The following AUTS2 variants were observed in gnomAD, a reference collection of about 807,000 sequenced individuals.
The protein encoded by AUTS2 is activator of transcription and developmental regulator AUTS2.
AUTS2 carries 17 observed loss-of-function variants against 112.4 expected under a neutral mutation model. The ratio of observed to expected loss-of-function variants is 0.15; its 90% CI spans 0.10 to 0.23. The LOEUF is 0.23. AUTS2 is among the 10% of genes least tolerant of loss of function. The probability of loss-of-function intolerance (pLI) is 1.00; values close to 1 mark genes in which losing one functional copy is unlikely to be tolerated. For missense variants in AUTS2, 1,510 were observed against 1,701.6 expected (o/e 0.89, Z 1.98); for synonymous variants, 751 against 702.7 (o/e 1.07, Z -1.09).
rs116591851 is a variant in AUTS2, at chr7:70,765,028, C to G, written c.1468+23C>G. The G allele has an allele frequency of 1.9e-5, 31 of 1,612,434 alleles. No homozygotes were observed. In the African/African-American group the frequency reaches 3.5e-4, roughly 18 times the overall value. On this transcript the variant is annotated intron_variant, in intron 8 of 18. Coordinates refer to ENST00000342771, the MANE Select transcript of AUTS2 (RefSeq NM_015570.4). ...CAGGTAGGACGGAGGGGCCTGTGCT[C>G]GTGACCCCGACCCCCACCGCCCCTC...
intron 2 of AUTS2, among the ~76,000 whole-genome samples, chr7:69,938,621 T>C (rs1021030693): frequency 6.6e-6 from 1 of 151,980 alleles, no homozygotes; most frequent in African/African-American, 2.4e-5. Context: ...ACATAGAGGG[T>C]CGGTGTTACA....
chr7:70,196,608 C>A (rs1198876641), intron 4 of AUTS2, among the ~76,000 whole-genome samples: 2 of 152,310 alleles, frequency 1.3e-5, no homozygotes, highest in East Asian at 3.9e-4. Context: ...ATGGCAGCAT[C>A]TATAGGGACA....
At chr7:70,782,207 A>C (rs1239631886) in intron 15 of AUTS2, 1 of 155,264 alleles carries the variant, frequency 6.4e-6, no homozygotes. Context: ...CCTGAGGATA[A>C]AGAAAGGCGA....
chr7:70,194,196 G>A (rs1368011298), intron 4 of AUTS2, among the ~76,000 whole-genome samples: 2 of 152,048 alleles, frequency 1.3e-5, no homozygotes, highest in Non-Finnish European at 2.9e-5. Flanking sequence ...GATCTCTTTA[G>A]GTCAGGCATT....
intron 6 of AUTS2, among the ~76,000 whole-genome samples, chr7:70,708,249 C>G (rs1253135032): frequency 6.6e-6 from 1 of 152,206 alleles, no homozygotes; most frequent in African/African-American, 2.4e-5. Flanking sequence ...AAGCTCCTCT[C>G]CCCGAAAACC....
chr7:70,120,314 C>A (rs6943884), intron 3 of AUTS2: 1 of 151,904 alleles, frequency 6.6e-6, no homozygotes, highest in African/African-American at 2.4e-5. Flanking sequence ...AGATAATAAC[C>A]TCCCCTTCTT....
chr7:69,807,940 C>CTTTTTTT (rs34491458), intron 1 of AUTS2, among the ~76,000 whole-genome samples: 1 of 120,444 alleles, frequency 8.3e-6, no homozygotes, highest in Non-Finnish European at 1.7e-5. Context: ...TAGGCCCAAG[C>CTTTTTTT]TTTTTTTTTT....
At chr7:70,622,963 A>G (rs966284117) in intron 5 of AUTS2, among the ~76,000 whole-genome samples, 12 of 152,242 alleles carry the variant, frequency 7.9e-5, no homozygotes, top group African/African-American at 2.9e-4. Context: ...GTTTGATTCT[A>G]GACCATTACA....
At chr7:70,767,595 G>T (rs1480664382) in intron 9 of AUTS2, among the ~76,000 whole-genome samples, 1 of 152,154 alleles carries the variant, frequency 6.6e-6, no homozygotes, top group Non-Finnish European at 1.5e-5. Context: ...TTGTATTTGG[G>T]TATAATACAT....
At chr7:70,046,050 C>T (rs1319701838) in intron 2 of AUTS2, among the ~76,000 whole-genome samples, 1 of 152,080 alleles carries the variant, frequency 6.6e-6, no homozygotes, top group Non-Finnish European at 1.5e-5. Context: ...TCTATGCTTC[C>T]TGATAAAATA....
intron 5 of AUTS2, among the ~76,000 whole-genome samples, chr7:70,687,592 G>A (rs2129545964): frequency 6.6e-6 from 1 of 152,284 alleles, no homozygotes; most frequent in Non-Finnish European, 1.5e-5. Context: ...TCAATGGTAT[G>A]CATCATAAAC....
At chr7:69,957,050 C>CT (rs759318185) in intron 2 of AUTS2, among the ~76,000 whole-genome samples, 1,584 of 132,308 alleles carry the variant, frequency 0.012, 13 homozygotes, top group South Asian at 0.016. Flanking sequence ...TTTGTTCTTT[C>CT]TTTTTTTTTT....
chr7:69,797,012 A>G (rs1789873332), intron 1 of AUTS2, among the ~76,000 whole-genome samples: 1 of 152,150 alleles, frequency 6.6e-6, no homozygotes, highest in Admixed American at 6.5e-5. Context: ...TGAGGATGCA[A>G]TGGAATCGTA....
At chr7:70,485,326 T>C (rs543016891) in intron 5 of AUTS2, among the ~76,000 whole-genome samples, 7 of 152,240 alleles carry the variant, frequency 4.6e-5, no homozygotes, top group Admixed American at 2.0e-4. Flanking sequence ...TGCAGCACCA[T>C]GGATGGAGCT....
At chr7:70,471,255 T>A (rs1269680012) in intron 5 of AUTS2, among the ~76,000 whole-genome samples, 1 of 152,096 alleles carries the variant, frequency 6.6e-6, no homozygotes, top group Non-Finnish European at 1.5e-5. Context: ...CATGCAGGTT[T>A]CTCATGACTT....
intron 4 of AUTS2, among the ~76,000 whole-genome samples, chr7:70,219,558 A>C (rs1291371494): frequency 2.0e-5 from 3 of 151,800 alleles, no homozygotes; most frequent in Non-Finnish European, 4.4e-5. Flanking sequence ...ACAAACAGTA[A>C]ATTTTTTTCT....
chr7:69,784,534 G>A (rs1789280914), intron 1 of AUTS2, among the ~76,000 whole-genome samples: 1 of 152,230 alleles, frequency 6.6e-6, no homozygotes, highest in Non-Finnish European at 1.5e-5. Flanking sequence ...GGTCCCGAAG[G>A]AGTGGCATCA....
At chr7:69,891,765 G>A (rs1794529670) in intron 1 of AUTS2, among the ~76,000 whole-genome samples, 1 of 88,896 alleles carries the variant, frequency 1.1e-5, no homozygotes, top group African/African-American at 4.0e-5. Flanking sequence ...TCACTTTCCA[G>A]ACAGATATCT....
chr7:70,471,751 C>G (rs757096976), intron 5 of AUTS2, among the ~76,000 whole-genome samples: 1 of 151,978 alleles, frequency 6.6e-6, no homozygotes, highest in East Asian at 1.9e-4. Context: ...GAAGGCCTTG[C>G]TGAGAAGGTG....
Sources: allele counts gnomAD v4.1 joint callset (sites outside exome capture counted in the v4.1 genomes callset), GRCh38; gene constraint gnomAD v4.1.1; transcripts MANE v1.5; gene names NCBI Gene and HGNC (gene_info 2026-07-23, HGNC 2026-07-21).